The following KANK1 variants were observed in gnomAD, a reference collection of about 807,000 sequenced individuals.
KANK1 encodes KN motif and ankyrin repeat domain-containing protein 1.
A neutral mutation model predicts 106.2 loss-of-function variants in KANK1; 109 were observed. That is an observed-to-expected ratio of 1.03 (90% CI 0.88 to 1.20). The LOEUF (loss-of-function observed/expected upper bound fraction) is 1.20, where lower values mean the gene tolerates loss of function less well. KANK1 is among the 50% of genes most tolerant of loss of function. The probability of loss-of-function intolerance (pLI) is 0.00; values close to 1 mark genes in which losing one functional copy is unlikely to be tolerated. For synonymous variants in KANK1, 873 were observed against 652.2 expected (o/e 1.34, Z -5.16); for missense variants, 2,399 against 1,710.7 (o/e 1.40, Z -7.10).
intron 1 of KANK1, among the ~76,000 whole-genome samples, chr9:624,417 A>T (rs1486258525): frequency 6.6e-6 from 1 of 152,164 alleles, no homozygotes; most frequent in Non-Finnish European, 1.5e-5. Flanking sequence ...TCAAATAATC[A>T]CATTGTATAC....
intron 1 of KANK1, among the ~76,000 whole-genome samples, chr9:667,743 T>G (rs1013981133): frequency 2.7e-4 from 6 of 22,606 alleles, no homozygotes; most frequent in African/African-American, 1.0e-3. Flanking sequence ...GGTTTTTTTG[T>G]TTTGTTTTTT....
chr9:552,975 T>A lies in KANK1; in HGVS notation c.-84+48221T>A, dbSNP rs567816634. 1.6e-4 allele frequency among the ~76,000 whole-genome samples: 25 copies of A among 152,122 alleles called. No individual in the cohort carries two copies. The South Asian group carries it at 3.3e-3, about 20-fold the overall frequency. On this transcript the variant is annotated intron_variant, in intron 1 of 11. Transcript: ENST00000382297. The stretch of plus-strand genomic sequence containing the variant: ...GCCTGGGCAACATAGCGAGACCCCT[T>A]CTCTACAAAAAAATTAGAAAATTAT...
chr9:690,509 C>T (rs555052842), intron 2 of KANK1, among the ~76,000 whole-genome samples: 7 of 151,462 alleles, frequency 4.6e-5, no homozygotes, highest in East Asian at 3.9e-4. Context: ...TAAATGAGTT[C>T]GTGTATGTAT....
intron 1 of KANK1, among the ~76,000 whole-genome samples, chr9:564,264 T>C (rs1300286675): frequency 2.0e-5 from 3 of 151,926 alleles, no homozygotes; most frequent in Non-Finnish European, 4.4e-5. Context: ...GGTTTCACTG[T>C]GTTAGCCAGG....
At chr9:571,617 A>G (rs933207955) in intron 1 of KANK1, among the ~76,000 whole-genome samples, 1 of 152,166 alleles carries the variant, frequency 6.6e-6, no homozygotes, top group East Asian at 1.9e-4. Context: ...CGTGACTAAG[A>G]TAACTGTCTC....
intron 3 of KANK1, among the ~76,000 whole-genome samples, chr9:714,891 G>T (rs991247909): frequency 6.6e-6 from 1 of 152,080 alleles, no homozygotes; most frequent in Admixed American, 6.6e-5. Flanking sequence ...CCTGGCTTCC[G>T]TTTCTGGCTC....
intron 1 of KANK1, among the ~76,000 whole-genome samples, chr9:601,608 G>A (rs1428518889): frequency 6.6e-6 from 1 of 151,756 alleles, no homozygotes; most frequent in Non-Finnish European, 1.5e-5. Context: ...TATTGCTAGT[G>A]CTATTCGTGT....
At chr9:567,980 G>A (rs142138263) in intron 1 of KANK1, among the ~76,000 whole-genome samples, 5 of 150,698 alleles carry the variant, frequency 3.3e-5, no homozygotes, top group African/African-American at 7.4e-5. Context: ...AAAGTTCAAC[G>A]CTTGGCATTG....
At chr9:728,453 C>T (rs1400455106) in intron 3 of KANK1, among the ~76,000 whole-genome samples, 1 of 150,244 alleles carries the variant, frequency 6.7e-6, no homozygotes, top group Non-Finnish European at 1.5e-5. Context: ...CTGCCTTGGC[C>T]TCCCAAAGTG....
At chr9:728,802 A>C (rs907040013) in intron 3 of KANK1, among the ~76,000 whole-genome samples, 6 of 152,290 alleles carry the variant, frequency 3.9e-5, no homozygotes, top group African/African-American at 1.4e-4. Flanking sequence ...GCCTTTAGAT[A>C]ATAAGTTAAC....
Position 722,580 on chromosome 9 carries a change from C to G in KANK1, c.2699-7471C>G, listed in dbSNP as rs1314841081. Among the ~76,000 whole-genome samples, 3 of 152,182 alleles carry G rather than the reference C, an allele frequency of 2.0e-5. No homozygotes were observed. The East Asian group carries it at 5.8e-4, about 29-fold the overall frequency. On this transcript the variant is annotated intron_variant, in intron 3 of 11. Transcript: ENST00000382297. ...ACATTGGTGCATGCGGTGCCTACAA[C>G]TACAAGTGGGTCCTTATCAAGTTCA...
intron 1 of KANK1, among the ~76,000 whole-genome samples, chr9:648,150 C>G (rs1454943412): frequency 6.7e-6 from 1 of 148,642 alleles, no homozygotes; most frequent in Non-Finnish European, 1.5e-5. Flanking sequence ...ACCACAGGCA[C>G]ACACCACCAC....
chr9:515,114 C>T lies in KANK1; in HGVS notation c.-84+10360C>T, dbSNP rs143668600. 7.4e-4 allele frequency among the ~76,000 whole-genome samples: 113 copies of T among 151,722 alleles called. 4 individuals are homozygous for T. The highest frequency in any genetic ancestry group is 2.6e-3 in the African/African-American group (105 of 41,066). On this transcript the variant is annotated intron_variant, in intron 1 of 11. Coordinates refer to ENST00000382297, the MANE Select transcript of KANK1 (RefSeq NM_015158.5). ...ATCCCAGCACTTTGGGAGGCAGAGG[C>T]GGGTGGATCATGAGGTCAGGAGATC...
chr9:626,403 C>T (rs190679210), intron 1 of KANK1, among the ~76,000 whole-genome samples: 1 of 152,002 alleles, frequency 6.6e-6, no homozygotes, highest in African/African-American at 2.4e-5. Flanking sequence ...TGCAGTGAGC[C>T]GGGTGACAGA....
intron 1 of KANK1, among the ~76,000 whole-genome samples, chr9:645,738 C>T (rs148193007): frequency 0.037 from 5,557 of 150,522 alleles, 178 homozygotes; most frequent in Non-Finnish European, 0.057. Context: ...GGAAATTAGC[C>T]GGGTGTGGTG....
At chr9:506,539 TGTGTG>T (rs2058764229) in intron 1 of KANK1, among the ~76,000 whole-genome samples, 1 of 151,918 alleles carries the variant, frequency 6.6e-6, no homozygotes, top group African/African-American at 2.4e-5. Flanking sequence ...TGTGTGTGTG[TGTGTG>T]TGTGCGTGTG....
In KANK1 at chr9:742,235, A is replaced by T. The variant is rs758914201; in HGVS notation, c.3727A>T (p.Ser1243Cys). ...AGQTALMLAVSHGRIDMVKGL... is the reference protein window; with the variant it reads ...AGQTALMLAVCHGRIDMVKGL... Reference sequence around the variant, plus strand: ...ACAGACGGCCCTCATGCTGGCGGTCAGTCACGGACGGATAGACATGGTGAA... The same window carrying T: ...ACAGACGGCCCTCATGCTGGCGGTCTGTCACGGACGGATAGACATGGTGAA... The change falls in exon 10 of 12, where the codon AGT becomes TGT. Residue 1243 changes from serine (S) to cysteine (C), a missense_variant. Transcript: ENST00000382297. 1 of 1,614,152 alleles carries T rather than the reference A, an allele frequency of 6.2e-7. No homozygotes were observed. Among genetic ancestry groups the T allele is most frequent in the South Asian group, 1.1e-5 (1 of 91,078 alleles).
chr9:686,248 A>T (rs1231423683), intron 2 of KANK1, among the ~76,000 whole-genome samples: 1 of 152,206 alleles, frequency 6.6e-6, no homozygotes, highest in South Asian at 2.1e-4. Flanking sequence ...TTTTTCCCTC[A>T]GCATTTTTAG....
chr9:620,993 CTAATT>C (rs1288114132), intron 1 of KANK1, among the ~76,000 whole-genome samples: 1 of 152,148 alleles, frequency 6.6e-6, no homozygotes, highest in Non-Finnish European at 1.5e-5. Context: ...ATCAAATTCT[CTAATT>C]TATTATCTCC....
Sources: allele counts gnomAD v4.1 joint callset (sites outside exome capture counted in the v4.1 genomes callset), GRCh38; gene constraint gnomAD v4.1.1; transcripts MANE v1.5; gene names NCBI Gene and HGNC (gene_info 2026-07-23, HGNC 2026-07-21).